The following ISM1 variants were observed in gnomAD, a reference collection of about 807,000 sequenced individuals.
ISM1 encodes isthmin-1.
A neutral mutation model predicts 46.3 loss-of-function variants in ISM1; 25 were observed. The ratio of observed to expected loss-of-function variants is 0.54; its 90% CI spans 0.39 to 0.75. The LOEUF is 0.75. ISM1 is among the 30% of genes least tolerant of loss of function. The pLI, the probability that ISM1 is intolerant of heterozygous loss-of-function variation, is 0.00. For missense variants in ISM1, 536 were observed against 625.4 expected (o/e 0.86, Z 1.52); for synonymous variants, 255 against 256.7 (o/e 0.99, Z 0.06).
intron 1 of ISM1, among the ~76,000 whole-genome samples, chr20:13,237,063 C>T (rs542096510): frequency 6.6e-6 from 1 of 152,324 alleles, no homozygotes; most frequent in African/African-American, 2.4e-5. Context: ...GCTCCGGTCC[C>T]ACATTTCCCT....
downstream of ISM1, among the ~76,000 whole-genome samples, chr20:13,304,740 C>T (rs932002063): frequency 6.6e-6 from 1 of 152,274 alleles, no homozygotes; most frequent in Middle Eastern, 3.4e-3. Context: ...ACTCCCTCAC[C>T]CCTCGAGTGG....
chr20:13,317,663 A>T, the ISM1 span, among the ~76,000 whole-genome samples: 18,085 of 152,114 alleles, frequency 0.12, 1,523 homozygotes, highest in Non-Finnish European at 0.18. Flanking sequence ...TTGACCTTTG[A>T]CAAGGGATGA....
chr20:13,248,379 G>A (rs1332183381), intron 1 of ISM1, among the ~76,000 whole-genome samples: 1 of 152,100 alleles, frequency 6.6e-6, no homozygotes, highest in Non-Finnish European at 1.5e-5. Flanking sequence ...ATATTCTTTT[G>A]AAAAGATGAT....
At chr20:13,313,831 C>T in the ISM1 span, among the ~76,000 whole-genome samples, 1 of 152,162 alleles carries the variant, frequency 6.6e-6, no homozygotes, top group Non-Finnish European at 1.5e-5. Flanking sequence ...ATTGTTAGGC[C>T]AGGAATTTAA....
chr20:13,258,112 A>G (rs243899), intron 1 of ISM1, among the ~76,000 whole-genome samples: 71,147 of 151,836 alleles, frequency 0.47, 17,228 homozygotes, highest in East Asian at 0.61. Flanking sequence ...TCCCAAGCAT[A>G]CCTGTGTCCC....
intron 1 of ISM1, among the ~76,000 whole-genome samples, chr20:13,229,835 T>A (rs1475086076): frequency 6.6e-6 from 1 of 152,142 alleles, no homozygotes. Context: ...CAGAAATCCC[T>A]CTCTCTCTTC....
intron 1 of ISM1, among the ~76,000 whole-genome samples, chr20:13,258,296 C>A (rs79739901): frequency 0.01 from 1,527 of 152,182 alleles, 27 homozygotes; most frequent in African/African-American, 0.035. Flanking sequence ...TTACTTCCAA[C>A]CCCACAGCTC....
At chr20:13,304,473 T>C (rs1290463939), downstream of ISM1, among the ~76,000 whole-genome samples, 2 of 152,166 alleles carry the variant, frequency 1.3e-5, no homozygotes, top group African/African-American at 2.4e-5. Flanking sequence ...AAACTACCCA[T>C]TGTCCAGTGC....
At chr20:13,303,391 G>T (rs186603806), downstream of ISM1, among the ~76,000 whole-genome samples, 1 of 152,354 alleles carries the variant, frequency 6.6e-6, no homozygotes, top group African/African-American at 2.4e-5. Context: ...CCCTTGCTCA[G>T]GTTGGGTAAG....
intron 1 of ISM1, among the ~76,000 whole-genome samples, chr20:13,247,091 T>G (rs2039803177): frequency 6.6e-6 from 1 of 151,818 alleles, no homozygotes; most frequent in Non-Finnish European, 1.5e-5. Flanking sequence ...CAAAGCCAGG[T>G]GTGGTGGCAC....
At chr20:13,262,234 A>C (rs1053730507) in intron 1 of ISM1, among the ~76,000 whole-genome samples, 2 of 152,190 alleles carry the variant, frequency 1.3e-5, no homozygotes, top group Non-Finnish European at 2.9e-5. Context: ...GCTGAAGAGG[A>C]GGGATGGAAG....
intron 5 of ISM1, among the ~76,000 whole-genome samples, chr20:13,297,610 T>G (rs2040419589): frequency 6.6e-6 from 1 of 152,210 alleles, no homozygotes; most frequent in Non-Finnish European, 1.5e-5. Context: ...GTAGGAGCTG[T>G]GCTGAGCTGG....
At chr20:13,277,424 G>A (rs578095328) in intron 2 of ISM1, among the ~76,000 whole-genome samples, 1 of 94,322 alleles carries the variant, frequency 1.1e-5, no homozygotes, top group Non-Finnish European at 2.3e-5. Context: ...CCTCAGATGG[G>A]GCTGCAGAGA....
chr20:13,316,302 TA>T, the ISM1 span, among the ~76,000 whole-genome samples: 1 of 151,938 alleles, frequency 6.6e-6, no homozygotes, highest in African/African-American at 2.4e-5. Flanking sequence ...TGATAATTAA[TA>T]ACCTGTCAAA....
chr20:13,221,869 CG>C lies in ISM1; in HGVS notation c.96del (p.Asp34ThrfsTer96). 1 of 1,419,302 alleles carries C rather than the reference CG, an allele frequency of 7.0e-7. No homozygotes were observed. Among genetic ancestry groups the C allele is most frequent in the South Asian group, 1.5e-5 (1 of 68,020 alleles). The allele number at this position is 1,419,302 out of a possible 1,614,324, so 87.9% of individuals were successfully genotyped here. A position where few individuals can be genotyped will look rare whatever the true frequency, so the allele number is the denominator to read the frequency against. Reference protein sequence around the residue: ...TVLRGSGAADGPDAAAGNASQ... With the variant: ...TVLRGSGAADXPDAAAGNASQ... ...TGCTGCGCGGCTCGGGAGCCGCCGA[CG>C]GGCCCGACGCGGCCGCGGGCAACGC... On this transcript the variant is annotated frameshift_variant, in exon 1 of 6. Coordinates refer to ENST00000262487, the MANE Select transcript of ISM1 (RefSeq NM_080826.2). LOFTEE classifies it high-confidence loss of function.
the ISM1 span, among the ~76,000 whole-genome samples, chr20:13,326,071 C>T: frequency 6.6e-6 from 1 of 152,154 alleles, no homozygotes; most frequent in Non-Finnish European, 1.5e-5. Flanking sequence ...CAGTGTGTTA[C>T]CTTTTTGTGA....
At chr20:13,295,212 C>T (rs777478374) in intron 5 of ISM1, among the ~76,000 whole-genome samples, 1 of 152,170 alleles carries the variant, frequency 6.6e-6, no homozygotes, top group Non-Finnish European at 1.5e-5. Flanking sequence ...TCTTCTGATC[C>T]CACCTGCTGT....
chr20:13,298,809 A>G (rs530173673), intron 5 of ISM1, 133 bp from the exon 6 acceptor site: 10 of 807,428 alleles, frequency 1.2e-5, no homozygotes. Flanking sequence ...GGAGTTGTTG[A>G]CTTCAGGGAG....
intron 1 of ISM1, among the ~76,000 whole-genome samples, chr20:13,222,117 C>A (rs2039457191): frequency 6.6e-6 from 1 of 152,150 alleles, no homozygotes; most frequent in African/African-American, 2.4e-5. Flanking sequence ...CACCCGGCTT[C>A]CAGGTCTGCG....
Sources: allele counts gnomAD v4.1 joint callset (sites outside exome capture counted in the v4.1 genomes callset), GRCh38; gene constraint gnomAD v4.1.1; transcripts MANE v1.5; gene names NCBI Gene and HGNC (gene_info 2026-07-23, HGNC 2026-07-21).